C5: variants seen among roughly 807,000 people sequenced by gnomAD.
C5 encodes the protein C3 and PZP-like alpha-2-macroglobulin domain-containing protein 4.
C5 carries 140 observed loss-of-function variants against 218.8 expected under a neutral mutation model. The observed-to-expected ratio is 0.64, with a 90% CI of 0.56 to 0.74. The LOEUF (loss-of-function observed/expected upper bound fraction) is 0.74. Ranked by LOEUF, C5 falls within the 30% of genes least tolerant of loss-of-function variation. The probability of loss-of-function intolerance (pLI) is 0.00; values close to 1 mark genes in which losing one functional copy is unlikely to be tolerated. For synonymous variants in C5, 614 were observed against 682.3 expected (o/e 0.90, Z 1.56); for missense variants, 1,700 against 1,969.6 (o/e 0.86, Z 2.59).
intron 37 of C5, among the ~76,000 whole-genome samples, 153 bp downstream of exon 37, chr9:120,961,329 T>C (rs903779826): frequency 6.6e-6 from 1 of 152,236 alleles, no homozygotes; most frequent in Admixed American, 6.5e-5. Flanking sequence ...AGTTTTACAA[T>C]GCTCAAGGAA....
intron 26 of C5, among the ~76,000 whole-genome samples, chr9:120,982,313 A>G (rs1418565709): frequency 2.7e-5 from 4 of 150,366 alleles, no homozygotes; most frequent in Middle Eastern, 3.4e-3. Context: ...CCTGGCCTCT[A>G]CTCTGTGTTT....
At chr9:121,000,786 A>G (rs1323503830) in intron 20 of C5, among the ~76,000 whole-genome samples, 1 of 152,132 alleles carries the variant, frequency 6.6e-6, no homozygotes, top group East Asian at 1.9e-4. Flanking sequence ...TTCAGGTAAT[A>G]AGCATAGTAC....
intron 30 of C5, among the ~76,000 whole-genome samples, chr9:120,974,530 T>C (rs1318947855): frequency 6.6e-6 from 1 of 152,244 alleles, no homozygotes; most frequent in African/African-American, 2.4e-5. Context: ...TGTACTTCCA[T>C]GTACCTATCA....
At position 121,021,677 on chromosome 9, in the gene C5, C is replaced by A. The variant is rs148479499; in HGVS notation, c.1134G>T (p.Ser378=). The part of the protein sequence containing the change: ...PYPIKVQVKD[S]LDQLVGGVPV... ...GGACTCCTCCTACCAACTGGTCAAG[C>A]GAATCTTTAACCTGCACCTGTTTGT... Residue 378 remains serine (S), a synonymous_variant, in exon 11 of 41, where the codon TCG becomes TCT. Coordinates refer to ENST00000223642, the MANE Select transcript of C5 (RefSeq NM_001735.3). The A allele has an allele frequency of 3.3e-5, 53 of 1,613,672 alleles. No individual in the cohort carries two copies. The African/African-American group carries it at 5.7e-4, about 17-fold the overall frequency.
upstream of C5, among the ~76,000 whole-genome samples, chr9:121,055,113 T>A (rs1469589546): frequency 6.6e-6 from 1 of 152,156 alleles, no homozygotes; most frequent in Non-Finnish European, 1.5e-5. Context: ...GTCCTGCTTT[T>A]TTGGGCTGAA....
At chr9:121,029,920 C>A (rs2047459429) in intron 7 of C5, among the ~76,000 whole-genome samples, 1 of 152,208 alleles carries the variant, frequency 6.6e-6, no homozygotes, top group Non-Finnish European at 1.5e-5. Flanking sequence ...CCCCAGCTGA[C>A]CTACCAACTG....
In C5 at chr9:121,032,155, A is replaced by G; in HGVS notation, c.625T>C (p.Phe209Leu). 6.2e-7 allele frequency: 1 copy of G among 1,608,744 alleles called. No homozygotes were observed. Among genetic ancestry groups the G allele is most frequent in the Non-Finnish European group, 8.5e-7 (1 of 1,175,220 alleles). Reference sequence around the variant, plus strand: ...AAATATGCGGTTCCAGTTGTTGAAAAGTCCTCTTTATATTTAGCCTTGATC... The same window carrying G: ...AAATATGCGGTTCCAGTTGTTGAAAGGTCCTCTTTATATTTAGCCTTGATC... ...WTIKAKYKED[F>L]STTGTAYFEV... Residue 209 changes from phenylalanine to leucine, a missense_variant, in exon 6 of 41, where the codon TTT (phenylalanine) becomes CTT (leucine). Coordinates refer to ENST00000223642, the MANE Select transcript of C5 (RefSeq NM_001735.3).
chr9:121,033,915 TTCC>T (rs2047500481), intron 5 of C5, among the ~76,000 whole-genome samples: 2 of 150,878 alleles, frequency 1.3e-5, no homozygotes, highest in African/African-American at 4.9e-5. Flanking sequence ...CCTTCCTTCC[TTCC>T]TTCCTTCTTC....
At chr9:121,001,975 T>C (rs1322171411) in intron 20 of C5, among the ~76,000 whole-genome samples, 1 of 151,770 alleles carries the variant, frequency 6.6e-6, no homozygotes, top group African/African-American at 2.4e-5. Context: ...ATGTCTTTAA[T>C]AGAAACATGG....
chr9:121,019,306 C>CA (rs1411310344), intron 12 of C5, among the ~76,000 whole-genome samples: 1 of 152,236 alleles, frequency 6.6e-6, no homozygotes, highest in East Asian at 1.9e-4. Context: ...ATTTCTTCCT[C>CA]AAAAATGTTG....
intron 31 of C5, among the ~76,000 whole-genome samples, chr9:120,970,561 T>C (rs1185540774): frequency 6.6e-6 from 1 of 152,212 alleles, no homozygotes; most frequent in Non-Finnish European, 1.5e-5. Context: ...TTTTGAACCT[T>C]TCCACTTTAA....
intron 33 of C5, among the ~76,000 whole-genome samples, chr9:120,964,050 C>T (rs868086130): frequency 6.6e-6 from 1 of 152,180 alleles, no homozygotes; most frequent in African/African-American, 2.4e-5. Flanking sequence ...ATGGCTAATT[C>T]ATGCAGAGCT....
At chr9:121,004,553 C>T (rs973324160) in intron 20 of C5, among the ~76,000 whole-genome samples, 1 of 152,116 alleles carries the variant, frequency 6.6e-6, no homozygotes, top group African/African-American at 2.4e-5. Context: ...GCAGGTGGGT[C>T]ACTTGAGGTC....
chr9:120,989,827 C>T, intron 23 of C5, 47 bp from the exon 24 acceptor site: 1 of 1,426,980 alleles, frequency 7.0e-7, no homozygotes, highest in Non-Finnish European at 9.9e-7. Context: ...TTATTAACTT[C>T]TAACAGTATG....
At chr9:121,021,726 A>G (rs760271579) in intron 10 of C5, 32 bp from the exon 11 acceptor site, 9 of 1,495,276 alleles carry the variant, frequency 6.0e-6, no homozygotes, top group Non-Finnish European at 7.5e-6. Context: ...ATCTATTTCA[A>G]CAGCTCATCA....
intron 8 of C5, among the ~76,000 whole-genome samples, chr9:121,026,848 G>A (rs1242190419): frequency 2.0e-5 from 3 of 152,126 alleles, no homozygotes. Flanking sequence ...GTGACAATGG[G>A]AAAGAGCATT....
chr9:121,060,561 C>A, the C5 span, among the ~76,000 whole-genome samples: 2 of 152,036 alleles, frequency 1.3e-5, no homozygotes, highest in Non-Finnish European at 2.9e-5. Context: ...ATGCTAAAGT[C>A]TCTGTTTTTT....
In C5 at chr9:121,021,147, C is replaced by T. The variant is rs986740887; in HGVS notation, c.1302+362G>A. Among the ~76,000 whole-genome samples the T allele has an allele frequency of 4.6e-5, 7 of 152,218 alleles. No individual in the cohort carries two copies. The East Asian group carries it at 1.4e-3, about 29-fold the overall frequency. On this transcript the variant is annotated intron_variant, in intron 11 of 40. Transcript: ENST00000223642. ...TGTAGTTAGAAAAAAGGGAGGCTTC[C>T]ATATTTTTGACCCTTTTGTGGCCCT... is the stretch of plus-strand genomic sequence containing the variant.
At chr9:121,032,535 T>C (rs962019742) in intron 5 of C5, among the ~76,000 whole-genome samples, 11 of 152,088 alleles carry the variant, frequency 7.2e-5, no homozygotes, top group Non-Finnish European at 1.6e-4. Context: ...AATACTAAAA[T>C]CCAAAATACA....
Sources: gnomAD v4.1 joint callset for allele counts (sites outside exome capture counted in the v4.1 genomes callset) on GRCh38, gnomAD v4.1.1 for gene constraint, MANE v1.5 for transcripts, NCBI Gene and HGNC (gene_info 2026-07-23, HGNC 2026-07-21) for gene names.